The following GALNT13 variants were observed in gnomAD, a reference collection of about 807,000 sequenced individuals.
The protein encoded by GALNT13 is UDP-GalNAc:polypeptide N-acetylgalactosaminyltransferase 13.
GALNT13 carries 28 observed loss-of-function variants against 64.2 expected under a neutral mutation model. The observed-to-expected ratio is 0.44, with a 90% CI of 0.32 to 0.60. The LOEUF (loss-of-function observed/expected upper bound fraction) is 0.60, where lower values mean the gene tolerates loss of function less well. GALNT13 is among the 20% of genes least tolerant of loss of function. The probability of loss-of-function intolerance (pLI) is 0.05; values close to 1 mark genes in which losing one functional copy is unlikely to be tolerated. For missense variants in GALNT13, 577 were observed against 669.8 expected, an observed-to-expected ratio of 0.86 and a Z score of 1.53; for synonymous variants, 214 against 224.6, an observed-to-expected ratio of 0.95 and a Z score of 0.42.
chr2:153,341,923 G>A, the GALNT13 span, among the ~76,000 whole-genome samples: 3 of 152,082 alleles, frequency 2.0e-5, no homozygotes, highest in Non-Finnish European at 4.4e-5. Context: ...TCAGGTTGCA[G>A]GGCTCTGTGA....
the GALNT13 span, among the ~76,000 whole-genome samples, chr2:153,560,293 G>T: frequency 7.2e-5 from 11 of 151,898 alleles, no homozygotes; most frequent in African/African-American, 2.2e-4. Context: ...GTTTTCAAAG[G>T]TACATACATG....
intron 1 of GALNT13, among the ~76,000 whole-genome samples, chr2:153,898,474 A>G (rs1332005484): frequency 6.6e-6 from 1 of 152,110 alleles, no homozygotes; most frequent in Non-Finnish European, 1.5e-5. Flanking sequence ...CAGTTTATCC[A>G]ATTAAATTGA....
intron 4 of GALNT13, among the ~76,000 whole-genome samples, chr2:154,234,324 C>G (rs1287511166): frequency 6.6e-6 from 1 of 152,058 alleles, no homozygotes; most frequent in Non-Finnish European, 1.5e-5. Flanking sequence ...ACATTCATAT[C>G]ATTCCATTAT....
intron 8 of GALNT13, among the ~76,000 whole-genome samples, chr2:154,289,303 C>A (rs1483819330): frequency 1.3e-5 from 2 of 152,170 alleles, no homozygotes; most frequent in Non-Finnish European, 2.9e-5. Flanking sequence ...TCCTAAGTCT[C>A]CAGGCTTGTG....
the GALNT13 span, among the ~76,000 whole-genome samples, chr2:153,425,692 T>G: frequency 6.6e-6 from 1 of 151,872 alleles, no homozygotes; most frequent in African/African-American, 2.4e-5. Context: ...ATGCTATACA[T>G]GTAAAAAGTA....
the GALNT13 span, among the ~76,000 whole-genome samples, chr2:153,165,149 A>G: frequency 6.6e-6 from 1 of 152,200 alleles, no homozygotes; most frequent in Non-Finnish European, 1.5e-5. Context: ...AACAACACAC[A>G]GTCTTTGAGG....
the GALNT13 span, among the ~76,000 whole-genome samples, chr2:153,682,799 A>G: frequency 1.3e-5 from 2 of 151,780 alleles, no homozygotes; most frequent in Non-Finnish European, 2.9e-5. Flanking sequence ...ACACCTAACT[A>G]CAGAAAATGT....
At chr2:153,111,929 T>G in the GALNT13 span, among the ~76,000 whole-genome samples, 1 of 152,192 alleles carries the variant, frequency 6.6e-6, no homozygotes, top group Non-Finnish European at 1.5e-5. Context: ...GCTTATTACC[T>G]TAATTGGTAA....
At chr2:153,296,370 G>T in the GALNT13 span, among the ~76,000 whole-genome samples, 1 of 152,052 alleles carries the variant, frequency 6.6e-6, no homozygotes, top group East Asian at 1.9e-4. Context: ...CTGATAATTG[G>T]CACCTACCTT....
chr2:153,410,860 T>C, the GALNT13 span, among the ~76,000 whole-genome samples: 1 of 151,572 alleles, frequency 6.6e-6, no homozygotes, highest in South Asian at 2.1e-4. Context: ...CACACAAATA[T>C]ATAAATATAT....
At chr2:153,924,676 A>C (rs1689991700) in intron 2 of GALNT13, among the ~76,000 whole-genome samples, 1 of 152,196 alleles carries the variant, frequency 6.6e-6, no homozygotes, top group Non-Finnish European at 1.5e-5. Flanking sequence ...TACTCTCACC[A>C]ACAGTATATA....
At chr2:153,942,979 A>G (rs879042277) in intron 2 of GALNT13, among the ~76,000 whole-genome samples, 1 of 152,154 alleles carries the variant, frequency 6.6e-6, no homozygotes, top group African/African-American at 2.4e-5. Context: ...GTTCACCCCA[A>G]TTAGCTCTGT....
At chr2:153,554,980 G>A in the GALNT13 span, among the ~76,000 whole-genome samples, 1 of 151,898 alleles carries the variant, frequency 6.6e-6, no homozygotes, top group Admixed American at 6.6e-5. Context: ...GTATCCCCAG[G>A]CCTAATATAT....
At chr2:153,669,536 G>A in the GALNT13 span, among the ~76,000 whole-genome samples, 6 of 151,900 alleles carry the variant, frequency 3.9e-5, no homozygotes, top group African/African-American at 1.5e-4. Flanking sequence ...AAATTAAATT[G>A]AAAAAAGAAG....
In GALNT13 at chr2:153,999,810, C is replaced by A. The variant is rs186161382; in HGVS notation, c.142+55171C>A. 7.0e-4 allele frequency among the ~76,000 whole-genome samples: 106 copies of A among 152,052 alleles called. 1 individual carries two copies. The highest frequency in any genetic ancestry group is 1.8e-3 in the Admixed American group (27 of 15,260). On this transcript the variant is annotated intron_variant, in intron 3 of 12. Transcript: ENST00000392825. ...TTGTGTTCTTGTCTGGTTTTGGTATCAGGGTAGTGATGACCTTGTAGAATG... is the reference window on the plus strand; with the variant it reads ...TTGTGTTCTTGTCTGGTTTTGGTATAAGGGTAGTGATGACCTTGTAGAATG...
At chr2:153,268,823 C>G in the GALNT13 span, among the ~76,000 whole-genome samples, 1 of 152,224 alleles carries the variant, frequency 6.6e-6, no homozygotes, top group Non-Finnish European at 1.5e-5. Context: ...GGGGCTTGCA[C>G]CCTTTGAAGC....
chr2:153,290,628 C>T, the GALNT13 span, among the ~76,000 whole-genome samples: 1 of 152,150 alleles, frequency 6.6e-6, no homozygotes, highest in Non-Finnish European at 1.5e-5. Context: ...AGTGACAGAA[C>T]TTTTTTCCAT....
At chr2:153,436,733 T>A in the GALNT13 span, among the ~76,000 whole-genome samples, 1 of 152,190 alleles carries the variant, frequency 6.6e-6, no homozygotes, top group Non-Finnish European at 1.5e-5. Flanking sequence ...TTTATTAGTC[T>A]TGCTAACAGT....
the GALNT13 span, among the ~76,000 whole-genome samples, chr2:153,656,672 A>G: frequency 2.6e-5 from 4 of 152,148 alleles, no homozygotes; most frequent in Non-Finnish European, 5.9e-5. Flanking sequence ...AATGCCATCT[A>G]GGTTATTTGA....
Sources: allele counts gnomAD v4.1 joint callset (sites outside exome capture counted in the v4.1 genomes callset), GRCh38; gene constraint gnomAD v4.1.1; transcripts MANE v1.5; gene names NCBI Gene and HGNC (gene_info 2026-07-23, HGNC 2026-07-21).